Variants in DGKB observed in about 807,000 individuals in gnomAD.
The protein encoded by DGKB is diacylglycerol kinase beta.
A neutral mutation model predicts 114.3 loss-of-function variants in DGKB; 67 were observed. The observed-to-expected ratio is 0.59, with a 90% CI of 0.48 to 0.72. The LOEUF is 0.72. Among genes scored for constraint, DGKB ranks in the 30% least tolerant of loss-of-function variants. DGKB has a pLI of 0.00. For missense variants in DGKB, 907 were observed against 975.2 expected (o/e 0.93, Z 0.93); for synonymous variants, 398 against 323.1 (o/e 1.23, Z -2.49).
intron 4 of DGKB, among the ~76,000 whole-genome samples, chr7:14,749,519 A>G (rs934733710): frequency 2.0e-5 from 3 of 152,172 alleles, no homozygotes; most frequent in Non-Finnish European, 4.4e-5. Flanking sequence ...ATGCTACTAC[A>G]TTCTACTAAT....
chr7:14,398,558 A>G (rs1822595992), intron 21 of DGKB, among the ~76,000 whole-genome samples: 3 of 152,002 alleles, frequency 2.0e-5, no homozygotes, highest in African/African-American at 7.2e-5. Flanking sequence ...GTGAAGGCAA[A>G]ATCTTGGACT....
At chr7:14,655,729 T>A (rs889309058) in intron 13 of DGKB, among the ~76,000 whole-genome samples, 2 of 151,622 alleles carry the variant, frequency 1.3e-5, no homozygotes, top group Non-Finnish European at 3.0e-5. Context: ...ACGTTGTCAT[T>A]TTTTGCAACA....
chr7:14,380,107 C>T (rs574615917), intron 21 of DGKB, among the ~76,000 whole-genome samples: 9 of 152,104 alleles, frequency 5.9e-5, no homozygotes, highest in African/African-American at 9.7e-5. Context: ...ATACATGTTG[C>T]GTACTTCGCT....
rs372976135 is a variant in DGKB at position 14,402,660 on chromosome 7, A to G, written c.1836-57269T>C. 3.3e-5 allele frequency among the ~76,000 whole-genome samples: 5 copies of G among 152,064 alleles called. No homozygotes were observed. The East Asian group carries it at 5.8e-4, about 18-fold the overall frequency. On this transcript the variant is annotated intron_variant, in intron 21 of 25. Transcript: ENST00000402815. ...CTGACCTGAACCATAAGTAGGTACT[A>G]TAAGAGTGATCATTAATTTTATGTG...
intron 3 of DGKB, among the ~76,000 whole-genome samples, chr7:14,756,687 A>G (rs1365191378): frequency 2.6e-5 from 4 of 151,940 alleles, no homozygotes; most frequent in Non-Finnish European, 5.9e-5. Context: ...AAGTTCTAGA[A>G]ATCCCAGGGA....
intron 23 of DGKB, among the ~76,000 whole-genome samples, chr7:14,234,228 T>A (rs1055897853): frequency 3.9e-5 from 6 of 152,080 alleles, no homozygotes; most frequent in African/African-American, 1.4e-4. Flanking sequence ...ACAAACACAG[T>A]TGCATGAACC....
chr7:14,415,491 A>T (rs1328422133), intron 21 of DGKB, among the ~76,000 whole-genome samples: 2 of 151,030 alleles, frequency 1.3e-5, no homozygotes, highest in Admixed American at 6.6e-5. Flanking sequence ...TCATTGTTCA[A>T]TTCCCACCTA....
At chr7:14,682,517 G>T (rs780731685) in intron 12 of DGKB, 36 bp downstream of exon 12, 1 of 1,414,858 alleles carries the variant, frequency 7.1e-7, no homozygotes, top group Non-Finnish European at 1.0e-6. Flanking sequence ...TTCAGTGTGG[G>T]TGAATGCTGG....
At chr7:14,942,609 C>T (rs1335579201) in intron 1 of DGKB, among the ~76,000 whole-genome samples, 3 of 151,954 alleles carry the variant, frequency 2.0e-5, no homozygotes, top group Non-Finnish European at 4.4e-5. Flanking sequence ...CTTCCATCTA[C>T]CACTCTTCCT....
chr7:14,550,226 C>A (rs1224111938), intron 20 of DGKB, among the ~76,000 whole-genome samples: 1 of 151,922 alleles, frequency 6.6e-6, no homozygotes, highest in Non-Finnish European at 1.5e-5. Context: ...ATTTATCATT[C>A]ATTAGAGATT....
At chr7:14,176,199 A>C (rs1781715837) in intron 25 of DGKB, 1 of 249,910 alleles carries the variant, frequency 4.0e-6, no homozygotes, top group South Asian at 1.5e-4. Context: ...AGGAAATTAC[A>C]CTGTTGGTCT....
chr7:14,814,931 T>C (rs1843907586), intron 2 of DGKB, among the ~76,000 whole-genome samples: 1 of 152,216 alleles, frequency 6.6e-6, no homozygotes. Flanking sequence ...TTTTGCTCTT[T>C]TATTCTGGCA....
intron 7 of DGKB, among the ~76,000 whole-genome samples, chr7:14,698,458 C>T (rs537682517): frequency 2.5e-4 from 38 of 152,188 alleles, no homozygotes; most frequent in Admixed American, 1.0e-3. Context: ...CTGAAGAAAG[C>T]AGGACCAAAT....
chr7:14,380,224 C>A (rs1482993089), intron 21 of DGKB, among the ~76,000 whole-genome samples: 1 of 151,134 alleles, frequency 6.6e-6, no homozygotes, highest in Non-Finnish European at 1.5e-5. Flanking sequence ...CCTTTTCAAT[C>A]TAAAAATAAA....
At chr7:14,639,884 C>A (rs190470064) in intron 13 of DGKB, among the ~76,000 whole-genome samples, 1 of 152,134 alleles carries the variant, frequency 6.6e-6, no homozygotes, top group Admixed American at 6.6e-5. Context: ...GTAAGGATAG[C>A]AAGAACAATT....
At chr7:14,488,183 C>G (rs1355811497) in intron 20 of DGKB, among the ~76,000 whole-genome samples, 1 of 152,000 alleles carries the variant, frequency 6.6e-6, no homozygotes, top group Non-Finnish European at 1.5e-5. Flanking sequence ...ATTGGGCAGA[C>G]TAATTCAAAA....
chr7:14,449,531 C>T (rs1273028324), intron 21 of DGKB, among the ~76,000 whole-genome samples: 1 of 152,028 alleles, frequency 6.6e-6, no homozygotes, highest in Non-Finnish European at 1.5e-5. Flanking sequence ...CCACCTTGCT[C>T]TTCTCCTTCA....
intron 13 of DGKB, among the ~76,000 whole-genome samples, chr7:14,643,950 C>T (rs983274974): frequency 2.6e-4 from 39 of 152,218 alleles, no homozygotes; most frequent in Admixed American, 1.4e-3. Flanking sequence ...GAGGAGTGGA[C>T]CAACCAGGGT....
intron 21 of DGKB, among the ~76,000 whole-genome samples, chr7:14,459,991 G>C (rs2195750): frequency 0.51 from 78,025 of 151,874 alleles, 20,408 homozygotes; most frequent in East Asian, 0.62. Flanking sequence ...CCATATCCAG[G>C]CAAACTAAGC....
Sources: allele counts gnomAD v4.1 joint callset (sites outside exome capture counted in the v4.1 genomes callset), GRCh38; gene constraint gnomAD v4.1.1; transcripts MANE v1.5; gene names NCBI Gene and HGNC (gene_info 2026-07-23, HGNC 2026-07-21).